Variants in CNTN5 observed in about 807,000 individuals in gnomAD.
CNTN5 encodes the protein contactin-5.
In CNTN5, 77 loss-of-function variants were observed where a neutral mutation model predicts 129.1. That is an observed-to-expected ratio of 0.60 (90% CI 0.50 to 0.72). The LOEUF (loss-of-function observed/expected upper bound fraction) is 0.72. Ranked by LOEUF, CNTN5 falls within the 30% of genes least tolerant of loss-of-function variation. The probability of loss-of-function intolerance (pLI) is 0.00; values close to 1 mark genes in which losing one functional copy is unlikely to be tolerated. For synonymous variants in CNTN5, 509 were observed against 465.6 expected (o/e 1.09, Z -1.20); for missense variants, 1,478 against 1,328.8 (o/e 1.11, Z -1.75).
intron 2 of CNTN5, among the ~76,000 whole-genome samples, chr11:99,343,790 A>G (rs1866629889): frequency 1.3e-5 from 2 of 152,204 alleles, no homozygotes. Context: ...GCAGTTTCAT[A>G]TAAATCAATC....
At chr11:99,906,063 C>T (rs1949496421) in intron 6 of CNTN5, among the ~76,000 whole-genome samples, 1 of 152,144 alleles carries the variant, frequency 6.6e-6, no homozygotes, top group Non-Finnish European at 1.5e-5. Flanking sequence ...GCTATATATA[C>T]AGTCGTGTCT....
At chr11:99,270,464 G>C (rs1276378096) in intron 1 of CNTN5, among the ~76,000 whole-genome samples, 2 of 151,636 alleles carry the variant, frequency 1.3e-5, no homozygotes, top group Non-Finnish European at 2.9e-5. Context: ...AAACCTTCGG[G>C]AACAGTATTT....
chr11:99,189,800 G>A (rs1022729894), intron 1 of CNTN5, among the ~76,000 whole-genome samples: 2 of 151,222 alleles, frequency 1.3e-5, no homozygotes, highest in African/African-American at 4.8e-5. Context: ...TATATTTTAG[G>A]TGTTAACCCC....
At chr11:99,430,935 C>A (rs9943653) in intron 2 of CNTN5, among the ~76,000 whole-genome samples, 5,353 of 151,052 alleles carry the variant, frequency 0.035, 326 homozygotes, top group African/African-American at 0.12. Context: ...TAAAAGGTGG[C>A]CTTGCTGTAG....
At chr11:99,694,621 C>G (rs2134814592) in intron 3 of CNTN5, among the ~76,000 whole-genome samples, 1 of 152,188 alleles carries the variant, frequency 6.6e-6, no homozygotes, top group East Asian at 1.9e-4. Context: ...CTGCACCTAT[C>G]AACCTGTCAT....
intron 3 of CNTN5, among the ~76,000 whole-genome samples, chr11:99,590,943 CA>C (rs1949960333): frequency 7.1e-6 from 1 of 141,140 alleles, no homozygotes; most frequent in South Asian, 2.1e-4. Flanking sequence ...CATGAAATAT[CA>C]AACAAAGCAT....
chr11:99,357,981 G>A lies in CNTN5; in HGVS notation c.-71+32497G>A, dbSNP rs1262191359. 2.0e-5 allele frequency among the ~76,000 whole-genome samples: 3 copies of A among 147,374 alleles called. No homozygotes were observed. The East Asian group carries it at 6.1e-4, about 30-fold the overall frequency. On this transcript the variant is annotated intron_variant, in intron 2 of 24. Transcript: ENST00000524871. ...GTCGCGCCACTGCACTCCAGCCTGG[G>A]CGAGAGAGGGAGACTCTGTCTCAAA...
intron 8 of CNTN5, among the ~76,000 whole-genome samples, chr11:99,971,511 C>G (rs1381567910): frequency 6.6e-6 from 1 of 151,738 alleles, no homozygotes; most frequent in Admixed American, 6.6e-5. Flanking sequence ...CCACTGCACT[C>G]CAGCCTGGTG....
intron 13 of CNTN5, among the ~76,000 whole-genome samples, chr11:100,116,673 GATAAT>G (rs1945851062): frequency 6.6e-6 from 1 of 151,752 alleles, no homozygotes; most frequent in Non-Finnish European, 1.5e-5. Context: ...CCTGTATAAT[GATAAT>G]ATAATATCTT....
At chr11:99,729,019 G>A (rs1395109667) in intron 3 of CNTN5, among the ~76,000 whole-genome samples, 2 of 152,090 alleles carry the variant, frequency 1.3e-5, no homozygotes, top group Non-Finnish European at 2.9e-5. Flanking sequence ...AACATTAATA[G>A]GAGCATGTCC....
chr11:99,507,104 A>G (rs1946651879), intron 2 of CNTN5, among the ~76,000 whole-genome samples: 1 of 152,102 alleles, frequency 6.6e-6, no homozygotes, highest in South Asian at 2.1e-4. Flanking sequence ...AAATAAAACA[A>G]GTTTTTCTCA....
At chr11:99,573,490 A>G (rs896868914) in intron 3 of CNTN5, among the ~76,000 whole-genome samples, 2 of 151,996 alleles carry the variant, frequency 1.3e-5, no homozygotes, top group African/African-American at 4.8e-5. Context: ...GAATGGCGTG[A>G]ACCAGGAAGG....
intron 13 of CNTN5, among the ~76,000 whole-genome samples, chr11:100,181,980 T>C (rs1948151184): frequency 6.6e-6 from 1 of 151,928 alleles, no homozygotes; most frequent in Non-Finnish European, 1.5e-5. Context: ...CATTTGGAAA[T>C]GCAAAGGACA....
At chr11:100,200,120 C>T (rs1049546601) in intron 15 of CNTN5, among the ~76,000 whole-genome samples, 2 of 151,888 alleles carry the variant, frequency 1.3e-5, no homozygotes, top group Non-Finnish European at 2.9e-5. Flanking sequence ...AAGATGACTG[C>T]CTTGATGACA....
At chr11:100,130,473 A>T (rs1946340014) in intron 13 of CNTN5, among the ~76,000 whole-genome samples, 1 of 152,172 alleles carries the variant, frequency 6.6e-6, no homozygotes, top group Admixed American at 6.6e-5. Context: ...AACGATATGT[A>T]TAAAAGTACT....
chr11:100,341,347 G>A (rs1223623101), intron 23 of CNTN5, 142 bp downstream of exon 23: 1 of 644,992 alleles, frequency 1.6e-6, no homozygotes, highest in Non-Finnish European at 2.7e-6. Flanking sequence ...TAGAAAGATA[G>A]CCTTCCTATA....
At chr11:99,620,518 T>C (rs1016813475) in intron 3 of CNTN5, among the ~76,000 whole-genome samples, 2 of 138,158 alleles carry the variant, frequency 1.4e-5, no homozygotes, top group African/African-American at 5.0e-5. Context: ...CTTTTTTTTT[T>C]TTTTCTTTTT....
intron 8 of CNTN5, among the ~76,000 whole-genome samples, chr11:99,975,557 C>G (rs149520483): frequency 1.2e-4 from 18 of 152,130 alleles, no homozygotes; most frequent in Non-Finnish European, 2.4e-4. Context: ...CACAGATCCA[C>G]GTGGCTGGGG....
intron 1 of CNTN5, among the ~76,000 whole-genome samples, chr11:99,182,343 A>T (rs1233166141): frequency 6.6e-6 from 1 of 152,178 alleles, no homozygotes; most frequent in African/African-American, 2.4e-5. Flanking sequence ...AGCACTATTG[A>T]ATGTTGTACC....
Sources: gnomAD v4.1 joint callset for allele counts (sites outside exome capture counted in the v4.1 genomes callset) on GRCh38, gnomAD v4.1.1 for gene constraint, MANE v1.5 for transcripts, NCBI Gene and HGNC (gene_info 2026-07-23, HGNC 2026-07-21) for gene names.